The following KCNMA1 variants were observed in gnomAD, a reference collection of about 807,000 sequenced individuals.
KCNMA1 encodes the protein Calcium-activated potassium channel subunit alpha-1.
Under a neutral mutation model 140.0 loss-of-function variants are expected in KCNMA1, and 29 were observed. The ratio of observed to expected loss-of-function variants is 0.21; its 90% CI spans 0.15 to 0.28. The LOEUF is 0.28. Ranked by LOEUF, KCNMA1 falls within the 10% of genes least tolerant of loss-of-function variation. The pLI, the probability that KCNMA1 is intolerant of heterozygous loss-of-function variation, is 1.00. For missense variants in KCNMA1, 880 were observed against 1,602.2 expected, an observed-to-expected ratio of 0.55 and a Z score of 7.70; for synonymous variants, 612 against 611.9, an observed-to-expected ratio of 1.00 and a Z score of 0.00.
intron 3 of KCNMA1, among the ~76,000 whole-genome samples, chr10:77,235,433 A>G (rs933085503): frequency 1.3e-5 from 2 of 152,182 alleles, no homozygotes; most frequent in African/African-American, 2.4e-5. Context: ...AGGACCATTC[A>G]TCAGGTCTGC....
At position 77,442,332 on chromosome 10, in the gene KCNMA1, G is replaced by C. The variant is rs570410092; in HGVS notation, c.379-38309C>G. On this transcript the variant is annotated intron_variant, in intron 1 of 27. Transcript: ENST00000286628. Reference sequence around the variant, plus strand: ...CTGCAGGAGGAAGCCAGGCACCCAGGGTTCCCCTTGCCACCTAGACCCCCG... The same window carrying C: ...CTGCAGGAGGAAGCCAGGCACCCAGCGTTCCCCTTGCCACCTAGACCCCCG... 5.4e-4 allele frequency among the ~76,000 whole-genome samples: 82 copies of C among 152,038 alleles called. 2 individuals are homozygous for C. In the South Asian group the frequency reaches 0.017, roughly 31 times the overall value.
At chr10:77,042,812 C>A (rs999096982) in intron 14 of KCNMA1, among the ~76,000 whole-genome samples, 1 of 152,066 alleles carries the variant, frequency 6.6e-6, no homozygotes, top group African/African-American at 2.4e-5. Flanking sequence ...CAATATTATT[C>A]ATGTTTGTTT....
At chr10:77,297,387 A>AAGCCT (rs2075443522) in intron 2 of KCNMA1, among the ~76,000 whole-genome samples, 1 of 152,184 alleles carries the variant, frequency 6.6e-6, no homozygotes, top group South Asian at 2.1e-4. Context: ...ATAACAGAAA[A>AAGCCT]AGCCTCAATG....
chr10:77,569,259 A>C (rs1051405065), intron 1 of KCNMA1, among the ~76,000 whole-genome samples: 1 of 87,260 alleles, frequency 1.1e-5, no homozygotes, highest in Non-Finnish European at 2.3e-5. Flanking sequence ...TGGAACCAAA[A>C]AAGAGCCCGC....
At chr10:77,035,858 G>A (rs2094292200) in intron 15 of KCNMA1, among the ~76,000 whole-genome samples, 1 of 152,230 alleles carries the variant, frequency 6.6e-6, no homozygotes, top group Non-Finnish European at 1.5e-5. Context: ...TCCTATTTCA[G>A]AGAAGGAGAT....
At chr10:77,094,808 C>T (rs1566060342) in intron 9 of KCNMA1, among the ~76,000 whole-genome samples, 2 of 152,062 alleles carry the variant, frequency 1.3e-5, no homozygotes, top group African/African-American at 4.8e-5. Context: ...TGAAGCGATC[C>T]TCCTGTCTTA....
intron 1 of KCNMA1, among the ~76,000 whole-genome samples, chr10:77,419,623 C>T (rs925361979): frequency 6.6e-6 from 1 of 152,110 alleles, no homozygotes; most frequent in Admixed American, 6.5e-5. Context: ...GGTAGTGACA[C>T]AAATTTTCTA....
chr10:77,039,883 C>CTTTTTTTTTTTTTTTTTTTTTTTTT (rs34943268), intron 14 of KCNMA1, among the ~76,000 whole-genome samples: 4 of 78,954 alleles, frequency 5.1e-5, no homozygotes, highest in East Asian at 4.3e-4. Flanking sequence ...TTTTCTTTTT[C>CTTTTTTTTTTTTTTTTTTTTTTTTT]TTTTTTTTTT....
intron 2 of KCNMA1, among the ~76,000 whole-genome samples, chr10:77,311,318 C>T (rs2079214714): frequency 6.6e-6 from 1 of 152,192 alleles, no homozygotes. Context: ...GTAGCAGCCC[C>T]TGTCAGAGAA....
chr10:77,323,119 C>G (rs1343007855), intron 2 of KCNMA1, among the ~76,000 whole-genome samples: 1 of 152,168 alleles, frequency 6.6e-6, no homozygotes, highest in East Asian at 1.9e-4. Context: ...GGGAATGTGG[C>G]CTTGATATTC....
At chr10:77,143,835 C>T (rs1597077416) in intron 5 of KCNMA1, among the ~76,000 whole-genome samples, 1 of 152,076 alleles carries the variant, frequency 6.6e-6, no homozygotes. Flanking sequence ...ATTTATATGA[C>T]AAAGAACTTA....
intron 12 of KCNMA1, among the ~76,000 whole-genome samples, chr10:77,081,282 G>T (rs1330442583): frequency 6.6e-6 from 1 of 152,116 alleles, no homozygotes; most frequent in East Asian, 1.9e-4. Context: ...TACTTCACAG[G>T]CTTGGTATGA....
intron 3 of KCNMA1, among the ~76,000 whole-genome samples, chr10:77,247,111 A>G (rs1464717182): frequency 6.6e-6 from 1 of 152,238 alleles, no homozygotes; most frequent in Non-Finnish European, 1.5e-5. Context: ...CTTGACCTTC[A>G]TTTTCAGTAT....
At chr10:77,499,428 CACACACAT>C (rs2043062983) in intron 1 of KCNMA1, among the ~76,000 whole-genome samples, 1 of 135,422 alleles carries the variant, frequency 7.4e-6, no homozygotes, top group Non-Finnish European at 1.5e-5. Context: ...TATATACACA[CACACACAT>C]ACACACACAC....
intron 14 of KCNMA1, among the ~76,000 whole-genome samples, chr10:77,060,179 G>A (rs900664638): frequency 1.3e-5 from 2 of 149,154 alleles, no homozygotes; most frequent in African/African-American, 4.8e-5. Flanking sequence ...TCAAAACACA[G>A]GAGGAATTTT....
At position 77,407,231 on chromosome 10, in the gene KCNMA1, C is replaced by T. The variant is rs377076979; in HGVS notation, c.379-3208G>A. Among the ~76,000 whole-genome samples, 20 of 152,256 alleles carry T rather than the reference C, an allele frequency of 1.3e-4. No individual in the cohort carries two copies. In the South Asian group the frequency reaches 3.5e-3, roughly 27 times the overall value. The stretch of plus-strand genomic sequence containing the variant: ...GAGCTATTTAAAGCCTGATGCCAGC[C>T]GGCCAGACTAGCCACCAGGCTAGCC... On this transcript the variant is annotated intron_variant, in intron 1 of 27. Coordinates refer to ENST00000286628, the MANE Select transcript of KCNMA1 (RefSeq NM_001161352.2).
intron 1 of KCNMA1, among the ~76,000 whole-genome samples, chr10:77,453,072 C>T (rs2097693216): frequency 6.6e-6 from 1 of 152,130 alleles, no homozygotes; most frequent in African/African-American, 2.4e-5. Context: ...CATTATCATG[C>T]ACCTTAGGTT....
At chr10:77,013,019 A>G (rs1428600347) in intron 17 of KCNMA1, among the ~76,000 whole-genome samples, 1 of 152,176 alleles carries the variant, frequency 6.6e-6, no homozygotes, top group Non-Finnish European at 1.5e-5. Context: ...TCCAAGAACT[A>G]ACAAAATCCC....
intron 3 of KCNMA1, among the ~76,000 whole-genome samples, chr10:77,229,022 C>T (rs1250554794): frequency 6.6e-6 from 1 of 152,226 alleles, no homozygotes; most frequent in Non-Finnish European, 1.5e-5. Flanking sequence ...ACAAGTAACA[C>T]AGTGTATACA....
Sources: gnomAD v4.1 joint callset for allele counts (sites outside exome capture counted in the v4.1 genomes callset) on GRCh38, gnomAD v4.1.1 for gene constraint, MANE v1.5 for transcripts, NCBI Gene and HGNC (gene_info 2026-07-23, HGNC 2026-07-21) for gene names.